Variants in BIRC6 observed in about 807,000 individuals in gnomAD.
BIRC6 encodes baculoviral IAP repeat containing 6, also known as dual E2 ubiquitin-conjugating enzyme/E3 ubiquitin-protein ligase BIRC6.
In BIRC6, 98 loss-of-function variants were observed where a neutral mutation model predicts 503.3. The ratio of observed to expected loss-of-function variants is 0.19; its 90% CI spans 0.17 to 0.23. BIRC6 has a LOEUF of 0.23. Ranked by LOEUF, BIRC6 falls within the 10% of genes least tolerant of loss-of-function variation. BIRC6 has a pLI of 1.00. For missense variants in BIRC6, 5,360 were observed against 5,806.0 expected (o/e 0.92, Z 2.50); for synonymous variants, 2,240 against 2,078.7 (o/e 1.08, Z -2.11).
chr2:32,570,599 A>G (rs2059849150), intron 65 of BIRC6, among the ~76,000 whole-genome samples: 1 of 151,988 alleles, frequency 6.6e-6, no homozygotes, highest in African/African-American at 2.4e-5. Flanking sequence ...TCTGGGTTCA[A>G]GCGATTCTCC....
chr2:32,479,558 A>T lies in BIRC6; in HGVS notation c.7349A>T (p.Gln2450Leu), dbSNP rs747764601. 1 of 1,609,278 alleles carries T rather than the reference A, an allele frequency of 6.2e-7. No homozygotes were observed. Among genetic ancestry groups the T allele is most frequent in the Non-Finnish European group, 8.5e-7 (1 of 1,177,480 alleles). ...GCTGGTGACTCTGATGACTCCCTTCAACAGTCCTCAGTTCAGTTGCTGGAA... is the reference window on the plus strand; with the variant it reads ...GCTGGTGACTCTGATGACTCCCTTCTACAGTCCTCAGTTCAGTTGCTGGAA... Reference protein sequence around the residue: ...ATAGDSDDSLQQSSVQLLETI... With the variant: ...ATAGDSDDSLLQSSVQLLETI... Residue 2450 changes from glutamine to leucine, a missense_variant, in exon 37 of 74, where the codon CAA (glutamine) becomes CTA (leucine). Transcript: ENST00000421745.
chr2:32,618,248 TGA>T lies in BIRC6; in HGVS notation c.*346_*347del, dbSNP rs1444420416. The T allele has an allele frequency of 6.2e-6, 1 of 160,768 alleles. No individual in the cohort carries two copies. The highest frequency in any genetic ancestry group is 2.4e-5 in the African/African-American group (1 of 41,454). The allele number at this position is 160,768 out of a possible 1,614,324, so 10.0% of individuals were successfully genotyped here. On this transcript the variant is annotated 3_prime_UTR_variant, in exon 74 of 74. Coordinates refer to ENST00000421745, the MANE Select transcript of BIRC6 (RefSeq NM_016252.4). ...ATTTTATTTTTTTTTTACTATAGAG[TGA>T]GGGGTTGTTAACAAAGAATATATAT...
At chr2:32,525,891 G>A (rs1420367321) in intron 59 of BIRC6, among the ~76,000 whole-genome samples, 1 of 152,152 alleles carries the variant, frequency 6.6e-6, no homozygotes, top group Non-Finnish European at 1.5e-5. Flanking sequence ...GCCATGAAAT[G>A]ATTGATGAAA....
intron 1 of BIRC6, among the ~76,000 whole-genome samples, chr2:32,369,992 ATGTATGTGTGTG>A (rs2035673891): frequency 8.5e-6 from 1 of 117,126 alleles, no homozygotes; most frequent in Admixed American, 9.4e-5. Context: ...ATATGTATGT[ATGTATGTGTGTG>A]TATATATATG....
Position 32,401,522 on chromosome 2 carries a change from A to C in BIRC6, c.1317A>C (p.Leu439=), listed in dbSNP as rs1419596981. ...CAGCAATTGTACAACAGCTTATTCT[A>C]TCAGGAGACCCAAGCTCAGGAGTTG... The part of the protein sequence containing the change: ...YDPAIVQQLI[L]SGDPSSGVDS... Residue 439 remains leucine (L), a synonymous_variant, in exon 8 of 74, where the codon CTA becomes CTC. Transcript: ENST00000421745. 6.2e-7 allele frequency: 1 copy of C among 1,614,034 alleles called. No homozygotes were observed. Among genetic ancestry groups the C allele is most frequent in the Admixed American group, 1.7e-5 (1 of 60,028 alleles).
At chr2:32,590,099 G>A (rs1310947355) in intron 66 of BIRC6, among the ~76,000 whole-genome samples, 1 of 152,110 alleles carries the variant, frequency 6.6e-6, no homozygotes, top group African/African-American at 2.4e-5. Flanking sequence ...CCGTTTACTG[G>A]TGCATTTCAA....
At chr2:32,404,263 A>G (rs2040936652) in intron 8 of BIRC6, among the ~76,000 whole-genome samples, 1 of 151,858 alleles carries the variant, frequency 6.6e-6, no homozygotes, top group African/African-American at 2.4e-5. Context: ...ATTGAAGTGT[A>G]ATTTTCAAAC....
rs375359876 is a variant in BIRC6 at position 32,464,719 on chromosome 2, G to A, written c.5152G>A (p.Val1718Ile). Reference sequence around the variant, plus strand: ...CACTCCACCCAATGAAGCAGTTTCCGTTGTGATTAATGCCGAACTTGCACA... The same window carrying A: ...CACTCCACCCAATGAAGCAGTTTCCATTGTGATTAATGCCGAACTTGCACA... ...PLTPPNEAVS[V>I]VINAELAQLF... Residue 1718 changes from valine to isoleucine, a missense_variant, in exon 25 of 74, where the codon GTT becomes ATT. Val to Ile is a conservative substitution (Grantham distance 29). Transcript: ENST00000421745. 8.7e-6 allele frequency: 14 copies of A among 1,613,808 alleles called. No individual in the cohort carries two copies. Among genetic ancestry groups the A allele is most frequent in the East Asian group, 2.2e-5 (1 of 44,898 alleles).
chr2:32,515,630 A>G lies in BIRC6; in HGVS notation c.11209A>G (p.Ser3737Gly). Residue 3737 changes from serine to glycine, a missense_variant, in exon 55 of 74, where the codon AGT (serine) becomes GGT (glycine). This residue lies in a region of BIRC6 where 878 missense variants were observed against 928.9 expected (regional missense o/e 0.95). Coordinates refer to ENST00000421745, the MANE Select transcript of BIRC6 (RefSeq NM_016252.4). The part of the protein sequence containing the change: ...GSHNLGAQQT[S>G]ARSASLSSAA... ...CCATAATTTAGGTGCACAACAGACC[A>G]GTGCAAGATCAGCTTCTCTTTCTTC... is the stretch of plus-strand genomic sequence containing the variant. 1 of 1,613,094 alleles carries G rather than the reference A, an allele frequency of 6.2e-7. No individual in the cohort carries two copies. Among genetic ancestry groups the G allele is most frequent in the South Asian group, 1.1e-5 (1 of 91,090 alleles).
At chr2:32,371,228 AAAAAAAAAAAAAGG>A (rs2035894911) in intron 1 of BIRC6, among the ~76,000 whole-genome samples, 1 of 151,308 alleles carries the variant, frequency 6.6e-6, no homozygotes, top group Non-Finnish European at 1.5e-5. Context: ...AAAAAAAAAA[AAAAAAAAAAAAAGG>A]AAATTTTCAG....
chr2:32,513,433 T>C (rs1288959061), intron 54 of BIRC6, among the ~76,000 whole-genome samples: 3 of 152,206 alleles, frequency 2.0e-5, no homozygotes, highest in Admixed American at 6.5e-5. Context: ...GTTGCAAATT[T>C]TCCCACCAGA....
intron 1 of BIRC6, among the ~76,000 whole-genome samples, chr2:32,372,685 C>T (rs879630173): frequency 2.0e-5 from 3 of 151,952 alleles, no homozygotes; most frequent in Non-Finnish European, 4.4e-5. Flanking sequence ...TAAAAATTAG[C>T]CAGACATCAT....
chr2:32,598,515 A>G (rs2061821635), intron 69 of BIRC6, among the ~76,000 whole-genome samples: 1 of 152,148 alleles, frequency 6.6e-6, no homozygotes, highest in African/African-American at 2.4e-5. Flanking sequence ...TAGGTAATAC[A>G]ATAATATATA....
rs1218673108 is a variant in BIRC6, at chr2:32,503,165, G to A, written c.9428G>A (p.Ser3143Asn). 6.2e-7 allele frequency: 1 copy of A among 1,612,834 alleles called. No individual in the cohort carries two copies. Residue 3143 changes from serine (S) to asparagine (N), a missense_variant, in exon 49 of 74, where the codon AGC becomes AAC. Ser to Asn is a conservative substitution (Grantham distance 46). This residue lies in a region of BIRC6 where 267 missense variants were observed against 287.6 expected (regional missense o/e 0.93). Transcript: ENST00000421745. ...TCTGGTCCAAATAAAGCTGTTGACA[G>A]CACATTGAAAACAAGAATACTAGCT... ...LDSGPNKAVD[S>N]TLKTRILASE...
At chr2:32,374,610 C>T (rs1323643628) in intron 1 of BIRC6, among the ~76,000 whole-genome samples, 2 of 151,490 alleles carry the variant, frequency 1.3e-5, no homozygotes, top group African/African-American at 2.4e-5. Flanking sequence ...GTAGCTGGGA[C>T]TACAGGCGCC....
chr2:32,496,550 A>G (rs1013323216), intron 45 of BIRC6, among the ~76,000 whole-genome samples: 1 of 152,168 alleles, frequency 6.6e-6, no homozygotes, highest in Non-Finnish European at 1.5e-5. Flanking sequence ...TGTATTATAT[A>G]GAATTTATGT....
At chr2:32,446,438 G>A (rs564280922) in intron 21 of BIRC6, among the ~76,000 whole-genome samples, 44 of 152,278 alleles carry the variant, frequency 2.9e-4, no homozygotes, top group Admixed American at 9.8e-4. Flanking sequence ...GAAGTAAGGC[G>A]TTCCTTTATT....
intron 22 of BIRC6, 124 bp downstream of exon 22, chr2:32,449,052 T>C (rs557984867): frequency 1.2e-6 from 1 of 815,956 alleles, no homozygotes; most frequent in Non-Finnish European, 1.8e-6. Flanking sequence ...TTAGAACTTA[T>C]CATATGAATT....
At chr2:32,460,959 C>T (rs559423256) in intron 23 of BIRC6, among the ~76,000 whole-genome samples, 4 of 151,148 alleles carry the variant, frequency 2.6e-5, no homozygotes, top group African/African-American at 9.7e-5. Context: ...TTTGGGACTA[C>T]GCATGTTTTA....
Sources: allele counts gnomAD v4.1 joint callset (sites outside exome capture counted in the v4.1 genomes callset), GRCh38; gene constraint gnomAD v4.1.1; regional missense constraint gnomAD v4.1.1; transcripts MANE v1.5; gene names NCBI Gene and HGNC (gene_info 2026-07-23, HGNC 2026-07-21).